The following LARP1 variants were observed in gnomAD, a reference collection of about 807,000 sequenced individuals.
LARP1 encodes la-related protein 1.
LARP1 carries 36 observed loss-of-function variants against 122.7 expected under a neutral mutation model. The observed-to-expected ratio is 0.29, with a 90% CI of 0.22 to 0.39. The LOEUF (loss-of-function observed/expected upper bound fraction) is 0.39. Ranked by LOEUF, LARP1 falls within the 10% of genes least tolerant of loss-of-function variation. The pLI is 1.00. For missense variants in LARP1, 1,040 were observed against 1,403.6 expected (o/e 0.74, Z 4.14); for synonymous variants, 539 against 528.7 (o/e 1.02, Z -0.27).
intron 1 of LARP1, among the ~76,000 whole-genome samples, chr5:154,764,093 G>A (rs1251827029): frequency 6.6e-6 from 1 of 151,976 alleles, no homozygotes; most frequent in Non-Finnish European, 1.5e-5. Flanking sequence ...TGGATCACCT[G>A]AGGTCAGGAG....
At chr5:154,713,933 G>A (rs1335094563) in intron 1 of LARP1, among the ~76,000 whole-genome samples, 2 of 152,244 alleles carry the variant, frequency 1.3e-5, no homozygotes, top group African/African-American at 4.8e-5. Context: ...GAACAGGTAG[G>A]TATGAACACA....
At chr5:154,794,065 TCTC>T (rs1405925620) in intron 6 of LARP1, 32 bp from the exon 7 acceptor site, 1 of 1,612,328 alleles carries the variant, frequency 6.2e-7, no homozygotes, top group Non-Finnish European at 8.5e-7. Flanking sequence ...TGGGCAGGAA[TCTC>T]CTCTCCCTCA....
chr5:154,708,298 A>G (rs1292230825), upstream of LARP1, among the ~76,000 whole-genome samples: 1 of 152,198 alleles, frequency 6.6e-6, no homozygotes, highest in Admixed American at 6.5e-5. Context: ...GCCAACTTGA[A>G]CATAGTGGTC....
At chr5:154,786,069 T>C (rs943810803) in intron 1 of LARP1, among the ~76,000 whole-genome samples, 4 of 151,730 alleles carry the variant, frequency 2.6e-5, no homozygotes, top group African/African-American at 9.7e-5. Flanking sequence ...TGAGATGGAG[T>C]TTCACTCTTG....
intron 1 of LARP1, among the ~76,000 whole-genome samples, chr5:154,714,504 A>G (rs1273835757): frequency 6.6e-6 from 1 of 152,224 alleles, no homozygotes; most frequent in Non-Finnish European, 1.5e-5. Context: ...CATTGGAAGC[A>G]GCAGGATAAT....
intron 1 of LARP1, among the ~76,000 whole-genome samples, chr5:154,774,819 C>G (rs1429610018): frequency 6.6e-6 from 1 of 152,176 alleles, no homozygotes; most frequent in East Asian, 1.9e-4. Flanking sequence ...GCCGTCTGGT[C>G]ACTTCTTTTA....
Position 154,803,227 on chromosome 5 carries a change from T to G in LARP1, c.2110-63T>G. ...CCAACTTCCTGCCAGTCTTGATTCC[T>G]TAAACAGGCTAGAGCAGCCTGCTTA... is the stretch of plus-strand genomic sequence containing the variant. On this transcript the variant is annotated intron_variant, in intron 11 of 18. Transcript: ENST00000518297. The surrounding 1 kb of genome is among the most constrained non-coding windows in gnomAD (Gnocchi z 4.4). 1.2e-6 allele frequency: 2 copies of G among 1,605,548 alleles called. No individual in the cohort carries two copies. The highest frequency in any genetic ancestry group is 8.5e-7 in the Non-Finnish European group (1 of 1,172,844).
intron 1 of LARP1, among the ~76,000 whole-genome samples, chr5:154,782,532 C>T (rs1756542546): frequency 1.3e-5 from 2 of 152,106 alleles, no homozygotes; most frequent in African/African-American, 4.8e-5. Context: ...TGGGCTGGGC[C>T]AGGCTGGCCA....
At chr5:154,688,943 AT>A (rs1266206631) in intron 1 of LARP1, among the ~76,000 whole-genome samples, 1 of 152,250 alleles carries the variant, frequency 6.6e-6, no homozygotes, top group Non-Finnish European at 1.5e-5. Flanking sequence ...CTTTTATAAA[AT>A]TTTTACATAA....
chr5:154,803,701 C>A lies in LARP1; in HGVS notation c.2395C>A (p.Arg799=). 6.2e-7 allele frequency: 1 copy of A among 1,614,204 alleles called. No homozygotes were observed. Among genetic ancestry groups the A allele is most frequent in the Non-Finnish European group, 8.5e-7 (1 of 1,180,046 alleles). The change falls in exon 13 of 19, where the codon CGG becomes AGG. Residue 799 remains arginine, a synonymous_variant. Coordinates refer to ENST00000518297, the MANE Select transcript of LARP1 (RefSeq NM_033551.3). The surrounding 1 kb of genome is among the most constrained non-coding windows in gnomAD (Gnocchi z 4.4). ...PQLKDSSQTS[R]FYPVVKEGRT... is the part of the protein sequence containing the mutation. ...GCTCAAAGACTCAAGCCAGACATCACGGTTTTACCCAGTGGTGAAAGAAGG... is the reference window on the plus strand; with the variant it reads ...GCTCAAAGACTCAAGCCAGACATCAAGGTTTTACCCAGTGGTGAAAGAAGG...
chr5:154,733,041 C>G (rs2113414021), intron 1 of LARP1, among the ~76,000 whole-genome samples: 1 of 152,222 alleles, frequency 6.6e-6, no homozygotes, highest in South Asian at 2.1e-4. Context: ...AAATCCCAGT[C>G]TCAGGGTCCC....
intron 1 of LARP1, among the ~76,000 whole-genome samples, chr5:154,780,789 C>T (rs1028375726): frequency 6.6e-6 from 1 of 152,160 alleles, no homozygotes; most frequent in Admixed American, 6.5e-5. Context: ...GGGCCGGCCA[C>T]GGTGGCCCAT....
intron 1 of LARP1, among the ~76,000 whole-genome samples, chr5:154,758,196 G>T (rs1285219484): frequency 6.6e-6 from 1 of 152,028 alleles, no homozygotes; most frequent in African/African-American, 2.4e-5. Flanking sequence ...GGCATTTTGT[G>T]TAAGTCCAGG....
At chr5:154,806,083 C>G in intron 15 of LARP1, 51 bp downstream of exon 15, 1 of 1,592,956 alleles carries the variant, frequency 6.3e-7, no homozygotes, top group Non-Finnish European at 8.6e-7. Flanking sequence ...TTATTTAGAC[C>G]CAGAGTATAA....
chr5:154,780,510 G>A (rs1043093466), intron 1 of LARP1, among the ~76,000 whole-genome samples: 1 of 152,196 alleles, frequency 6.6e-6, no homozygotes, highest in Non-Finnish European at 1.5e-5. Flanking sequence ...TTGGCTTCCT[G>A]GTTTGCCAAA....
At chr5:154,805,508 ATGT>A (rs1347536045) in intron 14 of LARP1, among the ~76,000 whole-genome samples, 2 of 152,204 alleles carry the variant, frequency 1.3e-5, no homozygotes, top group Admixed American at 1.3e-4. Flanking sequence ...TTTCAAACCC[ATGT>A]TGTTCAAGGG....
intron 1 of LARP1, chr5:154,729,499 G>T: frequency 2.5e-6 from 1 of 402,254 alleles, no homozygotes; most frequent in East Asian, 6.8e-5. Context: ...TGCCTATTGA[G>T]CACATTAAGC....
upstream of LARP1, among the ~76,000 whole-genome samples, chr5:154,708,449 C>G (rs562312239): frequency 3.3e-4 from 50 of 152,310 alleles, no homozygotes; most frequent in Admixed American, 3.9e-4. Context: ...CTCAGAAACT[C>G]TGGCCAGTGA....
chr5:154,712,960 CTT>C lies in LARP1; in HGVS notation c.37_38del (p.Phe13ProfsTer14). On this transcript the variant is annotated frameshift_variant, in exon 1 of 19. Transcript: ENST00000336314. LOFTEE classifies it high-confidence loss of function. Reference sequence around the variant, plus strand: ...AGGGTGCTTTTGTCAAAGAGGCCTCCTTTCCCTCACCCAGAGCTGGATTTCCA... The same window carrying C: ...AGGGTGCTTTTGTCAAAGAGGCCTCCTCCCTCACCCAGAGCTGGATTTCCA... The C allele has an allele frequency of 6.2e-7, 1 of 1,614,210 alleles. No homozygotes were observed. Among genetic ancestry groups the C allele is most frequent in the Non-Finnish European group, 8.5e-7 (1 of 1,180,036 alleles).
Sources: allele counts gnomAD v4.1 joint callset (sites outside exome capture counted in the v4.1 genomes callset), GRCh38; gene constraint gnomAD v4.1.1; non-coding constraint Gnocchi (gnomAD v3.1); transcripts MANE v1.5; gene names NCBI Gene and HGNC (gene_info 2026-07-23, HGNC 2026-07-21).